The following KLHDC1 variants were observed in gnomAD, a reference collection of about 807,000 sequenced individuals.
The protein encoded by KLHDC1 is kelch domain-containing protein 1.
KLHDC1 carries 53 observed loss-of-function variants against 68.3 expected under a neutral mutation model. The observed-to-expected ratio is 0.78, with a 90% CI of 0.62 to 0.98. The LOEUF (loss-of-function observed/expected upper bound fraction) is 0.98, where lower values mean the gene tolerates loss of function less well. Among genes scored for constraint, KLHDC1 ranks in the 50% least tolerant of loss-of-function variants. The probability of loss-of-function intolerance (pLI) is 0.00; values close to 1 mark genes in which losing one functional copy is unlikely to be tolerated. For synonymous variants in KLHDC1, 148 were observed against 159.0 expected (o/e 0.93, Z 0.52); for missense variants, 470 against 492.3 (o/e 0.95, Z 0.43).
chr14:49,710,301 C>T lies in KLHDC1; in HGVS notation c.324C>T (p.Tyr108=), dbSNP rs145211125. 50 of 1,610,288 alleles carry T rather than the reference C, an allele frequency of 3.1e-5. No homozygotes were observed. Among genetic ancestry groups the T allele is most frequent in the Non-Finnish European group, 4.1e-5 (48 of 1,176,936 alleles). Residue 108 remains tyrosine, a synonymous_variant, in exon 4 of 13, where the codon TAC becomes TAT. Coordinates refer to ENST00000359332, the MANE Select transcript of KLHDC1 (RefSeq NM_172193.3). Reference sequence around the variant, plus strand: ...ATTTACGAACAAGAGATGAAACCTACATTTGGGAGAAAATCACCGACTTTG... The same window carrying T: ...ATTTACGAACAAGAGATGAAACCTATATTTGGGAGAAAATCACCGACTTTG... ...FVNLRTRDET[Y]IWEKITDFEG...
chr14:49,715,762 AAAAATATAT>A (rs1888358809), intron 4 of KLHDC1, among the ~76,000 whole-genome samples: 1 of 127,340 alleles, frequency 7.9e-6, no homozygotes, highest in Non-Finnish European at 1.6e-5. Context: ...AAAAAAAAAA[AAAAATATAT>A]ATATATATAT....
At position 49,725,780 on chromosome 14, in the gene KLHDC1, TA is replaced by T; in HGVS notation, c.567+16del. The T allele has an allele frequency of 1.5e-6, 2 of 1,375,216 alleles. No homozygotes were observed. The highest frequency in any genetic ancestry group is 1.9e-4 in the Middle Eastern group (1 of 5,376). 85.2% of individuals were successfully genotyped at this position (1,375,216 alleles called of 1,614,324 possible). On this transcript the variant is annotated intron_variant, in intron 6 of 12. Coordinates refer to ENST00000359332, the MANE Select transcript of KLHDC1 (RefSeq NM_172193.3). ...CAACCAGAAATTAAAGTAAGTGTGG[TA>T]AAAAGTCATCTTTATATATTTGTAT... is the stretch of plus-strand genomic sequence containing the variant.
At chr14:49,722,599 C>T (rs1174644655) in intron 4 of KLHDC1, among the ~76,000 whole-genome samples, 1 of 152,208 alleles carries the variant, frequency 6.6e-6, no homozygotes. Context: ...TGGCTCAAGC[C>T]TTGTATTACG....
At chr14:49,740,663 T>C (rs1459242546) in intron 11 of KLHDC1, among the ~76,000 whole-genome samples, 1 of 152,196 alleles carries the variant, frequency 6.6e-6, no homozygotes, top group African/African-American at 2.4e-5. Flanking sequence ...TTATGAAGCC[T>C]TTCTGGATAT....
intron 12 of KLHDC1, among the ~76,000 whole-genome samples, chr14:49,746,380 A>G (rs1314230635): frequency 6.6e-6 from 1 of 152,198 alleles, no homozygotes; most frequent in Non-Finnish European, 1.5e-5. Flanking sequence ...CCAGCAACTC[A>G]GCATTAGGAC....
intron 1 of KLHDC1, among the ~76,000 whole-genome samples, chr14:49,696,451 G>A (rs1368517338): frequency 6.6e-6 from 1 of 152,146 alleles, no homozygotes; most frequent in East Asian, 1.9e-4. Context: ...AAAGTGCTGG[G>A]ATTACAGGTG....
intron 11 of KLHDC1, 63 bp downstream of exon 11, chr14:49,740,245 A>G (rs533187868): frequency 5.5e-6 from 5 of 911,294 alleles, no homozygotes; most frequent in African/African-American, 1.7e-5. Context: ...CTAAATGGCT[A>G]TTCAGCAAGA....
intron 1 of KLHDC1, among the ~76,000 whole-genome samples, chr14:49,706,069 C>G (rs752292170): frequency 6.6e-6 from 1 of 152,106 alleles, no homozygotes; most frequent in Non-Finnish European, 1.5e-5. Context: ...CGATCAAATA[C>G]TAGGTCTTAT....
chr14:49,704,039 C>G (rs1342170629), intron 1 of KLHDC1, among the ~76,000 whole-genome samples: 2 of 152,114 alleles, frequency 1.3e-5, no homozygotes, highest in African/African-American at 4.8e-5. Context: ...AGACTGTTAC[C>G]AAAATATTTG....
intron 6 of KLHDC1, 110 bp downstream of exon 6, chr14:49,725,879 GCT>G (rs1818254306): frequency 1.8e-5 from 11 of 599,664 alleles, no homozygotes; most frequent in African/African-American, 1.9e-5. Context: ...ACAAAGTCTT[GCT>G]CTGTTGCCCA....
chr14:49,720,615 C>A (rs1317427663), intron 4 of KLHDC1, among the ~76,000 whole-genome samples: 1 of 151,888 alleles, frequency 6.6e-6, no homozygotes, highest in African/African-American at 2.4e-5. Context: ...TTGATAGCTT[C>A]CATCAGTTTC....
intron 4 of KLHDC1, among the ~76,000 whole-genome samples, chr14:49,716,581 A>G (rs1452361050): frequency 1.3e-5 from 2 of 151,852 alleles, no homozygotes; most frequent in African/African-American, 4.8e-5. Context: ...GCGGGGTTTC[A>G]CCATGTTGGC....
rs915822442 is a variant in KLHDC1 at position 49,723,313 on chromosome 14, A to T, written c.405-561A>T. ...TTTGGGAGGCCAGGATAGGAGGATA[A>T]CTTGACCCCAAGAGTTCAAGACCAG... is the stretch of plus-strand genomic sequence containing the variant. On this transcript the variant is annotated intron_variant, in intron 4 of 12. Transcript: ENST00000359332. 2.6e-5 allele frequency among the ~76,000 whole-genome samples: 4 copies of T among 151,918 alleles called. No homozygotes were observed. The East Asian group carries it at 5.8e-4, about 22-fold the overall frequency.
chr14:49,709,115 C>G (rs1888133334), intron 1 of KLHDC1, 44 bp from the exon 2 acceptor site: 3 of 819,994 alleles, frequency 3.7e-6, no homozygotes, highest in Non-Finnish European at 4.0e-6. Context: ...TAACTGTTTG[C>G]TGTGTAACTG....
rs767280655 is a variant in KLHDC1 at position 49,693,192 on chromosome 14, C to T, written c.-3C>T. The T allele has an allele frequency of 1.9e-6, 3 of 1,581,220 alleles. No homozygotes were observed. Among genetic ancestry groups the T allele is most frequent in the Non-Finnish European group, 2.6e-6 (3 of 1,165,726 alleles). ...GGCAAGCGGCGGGCCAGCGACGGCG[C>T]GAATGGCGGACTCTCAGCTGTTCTG... On this transcript the variant is annotated 5_prime_UTR_variant, in exon 1 of 13. Transcript: ENST00000359332.
chr14:49,704,947 C>G (rs1429172076), intron 1 of KLHDC1, among the ~76,000 whole-genome samples: 1 of 152,112 alleles, frequency 6.6e-6, no homozygotes, highest in Non-Finnish European at 1.5e-5. Flanking sequence ...ATGAAGCTTA[C>G]AGTTTAGCAG....
Position 49,751,568 on chromosome 14 carries a change from G to T in KLHDC1, c.1035-18G>T. 4 of 1,324,232 alleles carry T rather than the reference G, an allele frequency of 3.0e-6. No homozygotes were observed. The highest frequency in any genetic ancestry group is 4.1e-6 in the Non-Finnish European group (4 of 979,108). The allele number at this position is 1,324,232 out of a possible 1,614,324, so 82.0% of individuals were successfully genotyped here. On this transcript the variant is annotated intron_variant, in intron 12 of 12. Coordinates refer to ENST00000359332, the MANE Select transcript of KLHDC1 (RefSeq NM_172193.3). The stretch of plus-strand genomic sequence containing the variant: ...CCTCAGGTTCAAGACTAATAATTCT[G>T]TTATGTTTTATTTACAGGTCATGCC...
chr14:49,732,639 G>C (rs1260970971), intron 8 of KLHDC1, 65 bp from the exon 9 acceptor site: 2 of 779,684 alleles, frequency 2.6e-6, no homozygotes. Context: ...TAAGATCTAA[G>C]ATGATTAAAA....
chr14:49,731,418 C>T (rs866477450), intron 8 of KLHDC1, among the ~76,000 whole-genome samples: 10 of 152,204 alleles, frequency 6.6e-5, no homozygotes, highest in Middle Eastern at 3.4e-3. Context: ...ATCTTCTCAC[C>T]TCCTAAATTA....
Sources: gnomAD v4.1 joint callset for allele counts (sites outside exome capture counted in the v4.1 genomes callset) on GRCh38, gnomAD v4.1.1 for gene constraint, MANE v1.5 for transcripts, NCBI Gene and HGNC (gene_info 2026-07-23, HGNC 2026-07-21) for gene names.